Variants in SRGAP3 observed in about 807,000 individuals in gnomAD.
The protein encoded by SRGAP3 is SLIT-ROBO Rho GTPase-activating protein 3.
Under a neutral mutation model 121.1 loss-of-function variants are expected in SRGAP3, and 39 were observed. That is an observed-to-expected ratio of 0.32 (90% CI 0.25 to 0.42). The LOEUF (loss-of-function observed/expected upper bound fraction) is 0.42, where lower values mean the gene tolerates loss of function less well. Among genes scored for constraint, SRGAP3 ranks in the 10% least tolerant of loss-of-function variants. The probability of loss-of-function intolerance (pLI) is 1.00; values close to 1 mark genes in which losing one functional copy is unlikely to be tolerated. For missense variants in SRGAP3, 1,213 were observed against 1,470.6 expected (o/e 0.82, Z 2.86); for synonymous variants, 601 against 570.0 (o/e 1.05, Z -0.77).
chr3:9,185,701 G>T (rs1352598754), intron 1 of SRGAP3, among the ~76,000 whole-genome samples: 1 of 151,828 alleles, frequency 6.6e-6, no homozygotes, highest in Non-Finnish European at 1.5e-5. Flanking sequence ...TAGCACTAAG[G>T]CCTGACTAAT....
At chr3:9,286,296 T>C (rs1954769042) in intron 3 of SRGAP3, among the ~76,000 whole-genome samples, 1 of 152,086 alleles carries the variant, frequency 6.6e-6, no homozygotes, top group African/African-American at 2.4e-5. Flanking sequence ...TGGTAATGGG[T>C]GAGGAAAGAT....
At chr3:9,106,984 C>T (rs906984320) in intron 2 of SRGAP3, among the ~76,000 whole-genome samples, 1 of 151,738 alleles carries the variant, frequency 6.6e-6, no homozygotes, top group Admixed American at 6.6e-5. Context: ...GCTACCTTGA[C>T]TTCAAGGAAT....
chr3:9,129,644 T>C (rs1011538193), intron 1 of SRGAP3, among the ~76,000 whole-genome samples: 1 of 152,136 alleles, frequency 6.6e-6, no homozygotes, highest in African/African-American at 2.4e-5. Flanking sequence ...TTAGTTTTCA[T>C]TCTTTCATGC....
rs138318930 is a variant in SRGAP3, at chr3:9,165,457, G to C, written c.68-40540C>G. 5.3e-3 allele frequency among the ~76,000 whole-genome samples: 803 copies of C among 152,274 alleles called. 5 individuals carry two copies. The highest frequency in any genetic ancestry group is 9.3e-3 in the Non-Finnish European group (632 of 68,020). On this transcript the variant is annotated intron_variant, in intron 1 of 21. Coordinates refer to ENST00000383836, the MANE Select transcript of SRGAP3 (RefSeq NM_014850.4). Reference sequence around the variant, plus strand: ...CACCAAGGCATCATTCCTTCCTCCTGGTTCTCTCAGACTTTCCGATTCCTT... The same window carrying C: ...CACCAAGGCATCATTCCTTCCTCCTCGTTCTCTCAGACTTTCCGATTCCTT...
intron 2 of SRGAP3, among the ~76,000 whole-genome samples, chr3:9,118,693 C>A (rs59255350): frequency 2.7e-4 from 15 of 55,514 alleles, no homozygotes; most frequent in East Asian, 7.7e-4. Context: ...ATTGCCAGGC[C>A]CCCCCCCCAA....
upstream of SRGAP3, among the ~76,000 whole-genome samples, chr3:9,250,003 T>C (rs952557443): frequency 2.0e-5 from 3 of 152,182 alleles, no homozygotes; most frequent in Non-Finnish European, 4.4e-5. Flanking sequence ...CTGACCCATG[T>C]AGGGAAAAGC....
chr3:9,214,317 T>C (rs1952545668), intron 1 of SRGAP3, among the ~76,000 whole-genome samples: 1 of 152,116 alleles, frequency 6.6e-6, no homozygotes, highest in South Asian at 2.1e-4. Flanking sequence ...ATAGAAACAG[T>C]CATATGGGGC....
At chr3:9,181,411 G>A (rs764390848) in intron 1 of SRGAP3, among the ~76,000 whole-genome samples, 33 of 152,226 alleles carry the variant, frequency 2.2e-4, no homozygotes, top group Admixed American at 8.5e-4. Context: ...TCACCGTTCT[G>A]TAGCTCAGAA....
intron 13 of SRGAP3, among the ~76,000 whole-genome samples, chr3:9,025,542 C>T (rs542513559): frequency 4.0e-4 from 61 of 152,278 alleles, no homozygotes; most frequent in Non-Finnish European, 1.8e-4. Flanking sequence ...ACATCTGCTT[C>T]AAACACTTGT....
Position 8,990,691 on chromosome 3 carries a change from G to C in SRGAP3, c.2707C>G (p.Arg903Gly), listed in dbSNP as rs534044180. The C allele has an allele frequency of 6.2e-7, 1 of 1,613,162 alleles. No individual in the cohort carries two copies. The highest frequency in any genetic ancestry group is 8.5e-7 in the Non-Finnish European group (1 of 1,179,868). ...PSSPHKIPLT[R>G]GRIESPEKRR... ...TTCTCAGGGCTCTCGATCCTCCCCCGGGTGAGGGGGATTTTGTGGGGGCTG... is the reference window on the plus strand; with the variant it reads ...TTCTCAGGGCTCTCGATCCTCCCCCCGGTGAGGGGGATTTTGTGGGGGCTG... The change falls in exon 21 of 22, where the codon CGG becomes GGG. Residue 903 changes from arginine (R) to glycine (G), a missense_variant. By Grantham distance (125) the Arg-to-Gly change is moderately radical (BLOSUM62 -2). This residue lies in a region of SRGAP3 where 420 missense variants were observed against 437.7 expected (regional missense o/e 0.96). Transcript: ENST00000383836.
chr3:9,222,792 GCAGA>G lies in SRGAP3; in HGVS notation c.67+26089_67+26092del, dbSNP rs1952857391. ...ATGCATATCACTGTGATTCTACATA[GCAGA>G]CACTCAGAGCATTTTGCCCCCTTCC... On this transcript the variant is annotated intron_variant, in intron 1 of 21. Transcript: ENST00000383836. 2.0e-5 allele frequency among the ~76,000 whole-genome samples: 3 copies of G among 152,168 alleles called. No individual in the cohort carries two copies. In the South Asian group the frequency reaches 6.2e-4, roughly 32 times the overall value.
intron 1 of SRGAP3, among the ~76,000 whole-genome samples, chr3:9,224,453 T>C (rs562874250): frequency 1.9e-4 from 29 of 152,226 alleles, no homozygotes. Flanking sequence ...TGCCTGCCCA[T>C]CTTCTCCCCC....
chr3:9,080,028 G>T lies in SRGAP3; in HGVS notation c.483C>A (p.Tyr161Ter). The change falls in exon 4 of 22, where the codon TAC (tyrosine) becomes TAA (stop). Residue 161 changes from tyrosine to a stop codon, truncating the protein, a stop_gained. Transcript: ENST00000383836. LOFTEE classifies it high-confidence loss of function. ...EELLKVTNEL[Y>*]TVMKTYHMYH... ...AGTGAGCCTGGGCAGAACTTACTGT[G>T]TAGAGCTCATTGGTCACCTTCAGGA... 1 of 1,614,172 alleles carries T rather than the reference G, an allele frequency of 6.2e-7. No homozygotes were observed. Among genetic ancestry groups the T allele is most frequent in the Non-Finnish European group, 8.5e-7 (1 of 1,180,026 alleles).
intron 1 of SRGAP3, among the ~76,000 whole-genome samples, chr3:9,163,050 G>C (rs191366143): frequency 6.6e-6 from 1 of 152,318 alleles, no homozygotes; most frequent in Non-Finnish European, 1.5e-5. Flanking sequence ...CTGCTTCTTA[G>C]GTGATTATGA....
At chr3:9,279,486 C>T (rs533650984) in intron 3 of SRGAP3, among the ~76,000 whole-genome samples, 15 of 150,410 alleles carry the variant, frequency 1.0e-4, no homozygotes, top group East Asian at 1.9e-4. Context: ...GTCAGTCCAA[C>T]GGGAAGCAAA....
chr3:9,246,014 T>G (rs180868708), intron 1 of SRGAP3, among the ~76,000 whole-genome samples: 1 of 152,312 alleles, frequency 6.6e-6, no homozygotes, highest in East Asian at 1.9e-4. Flanking sequence ...TCCCCATCAC[T>G]AGAAATGTGC....
At chr3:9,279,097 T>C (rs1954632999) in intron 3 of SRGAP3, among the ~76,000 whole-genome samples, 1 of 151,324 alleles carries the variant, frequency 6.6e-6, no homozygotes, top group Admixed American at 6.6e-5. Flanking sequence ...CACTCCAACC[T>C]GGGCAACAGG....
intron 1 of SRGAP3, among the ~76,000 whole-genome samples, chr3:9,127,166 TA>T (rs5846624): frequency 0.39 from 57,942 of 146,692 alleles, 11,083 homozygotes; most frequent in Middle Eastern, 0.48. Context: ...CATAAAAACT[TA>T]AAAAAAAAAA....
intron 1 of SRGAP3, among the ~76,000 whole-genome samples, chr3:9,356,358 ATTTTTTTTTTTTTTTTTTTT>A (rs869098475): frequency 7.6e-5 from 3 of 39,606 alleles, no homozygotes; most frequent in African/African-American, 4.9e-4. Flanking sequence ...TGGCCAGCTA[ATTTTTTTTTTTTTTTTTTTT>A]TTTTTTTTTT....
Sources: allele counts gnomAD v4.1 joint callset (sites outside exome capture counted in the v4.1 genomes callset), GRCh38; gene constraint gnomAD v4.1.1; regional missense constraint gnomAD v4.1.1; transcripts MANE v1.5; gene names NCBI Gene and HGNC (gene_info 2026-07-23, HGNC 2026-07-21).